The following CREBBP variants were observed in gnomAD, a reference collection of about 807,000 sequenced individuals.
CREBBP encodes CREB-binding protein.
A neutral mutation model predicts 265.0 loss-of-function variants in CREBBP; 19 were observed. The ratio of observed to expected loss-of-function variants is 0.07; its 90% CI spans 0.05 to 0.11. The LOEUF is 0.11. CREBBP is among the 10% of genes least tolerant of loss of function. The pLI, the probability that CREBBP is intolerant of heterozygous loss-of-function variation, is 1.00. For missense variants in CREBBP, 2,525 were observed against 3,219.0 expected (o/e 0.78, Z 5.22); for synonymous variants, 1,457 against 1,223.7 (o/e 1.19, Z -3.98).
chr16:3,762,262 G>T (rs1442358976), intron 16 of CREBBP, among the ~76,000 whole-genome samples: 1 of 152,138 alleles, frequency 6.6e-6, no homozygotes, highest in African/African-American at 2.4e-5. Context: ...AGTGGTAATC[G>T]GGAGTGACAG....
intron 8 of CREBBP, among the ~76,000 whole-genome samples, chr16:3,780,446 G>T (rs957128835): frequency 3.3e-5 from 5 of 152,134 alleles, no homozygotes; most frequent in African/African-American, 1.2e-4. Flanking sequence ...AGCACATTAA[G>T]GCCGGGCTGC....
At chr16:3,876,266 C>G (rs1323555162) in intron 1 of CREBBP, among the ~76,000 whole-genome samples, 4 of 151,934 alleles carry the variant, frequency 2.6e-5, no homozygotes, top group African/African-American at 9.7e-5. Context: ...TCTCCAACTG[C>G]TGGCCTCAAG....
intron 2 of CREBBP, among the ~76,000 whole-genome samples, chr16:3,840,225 C>T (rs887016701): frequency 6.6e-6 from 1 of 152,160 alleles, no homozygotes; most frequent in African/African-American, 2.4e-5. Flanking sequence ...AAGCAACAGA[C>T]AAATGTACAG....
At chr16:3,834,483 G>A (rs916448877) in intron 2 of CREBBP, among the ~76,000 whole-genome samples, 3 of 152,152 alleles carry the variant, frequency 2.0e-5, no homozygotes, top group East Asian at 3.8e-4. Context: ...TTACAAAAAG[G>A]CAAAACTATG....
chr16:3,823,316 A>G (rs951921356), intron 2 of CREBBP, among the ~76,000 whole-genome samples: 1 of 152,228 alleles, frequency 6.6e-6, no homozygotes, highest in Non-Finnish European at 1.5e-5. Context: ...AAAACATTAA[A>G]CTGTCATTAA....
At chr16:3,812,268 T>G (rs973210136) in intron 2 of CREBBP, among the ~76,000 whole-genome samples, 6 of 151,938 alleles carry the variant, frequency 3.9e-5, no homozygotes, top group African/African-American at 1.5e-4. Flanking sequence ...AACCTCCCTC[T>G]CCCAGGTTCA....
Position 3,757,755 on chromosome 16 carries a change from C to T in CREBBP, c.3609+54G>A, listed in dbSNP as rs959027028. 3.9e-5 allele frequency: 63 copies of T among 1,608,080 alleles called. No individual in the cohort carries two copies. The East Asian group carries it at 6.5e-4, about 16-fold the overall frequency. On this transcript the variant is annotated intron_variant, in intron 18 of 30. Transcript: ENST00000262367. ...GTGGTCTCATATTAGTATAACACCC[C>T]TCTGGCTGGATTAACCAGGAAAATT...
intron 2 of CREBBP, among the ~76,000 whole-genome samples, chr16:3,835,871 C>T (rs144668699): frequency 1.1e-3 from 174 of 151,582 alleles, no homozygotes; most frequent in African/African-American, 3.4e-3. Context: ...TGAGCCACCG[C>T]GCCCGGCAGA....
At chr16:3,877,614 G>A (rs2055430638) in intron 1 of CREBBP, among the ~76,000 whole-genome samples, 1 of 152,178 alleles carries the variant, frequency 6.6e-6, no homozygotes. Context: ...ATGTTGGCCA[G>A]GCTGGTCTTG....
chr16:3,835,462 G>C (rs1487532506), intron 2 of CREBBP, among the ~76,000 whole-genome samples: 3 of 151,022 alleles, frequency 2.0e-5, no homozygotes, highest in Non-Finnish European at 4.4e-5. Context: ...ACAGAGTCCA[G>C]AAACAGACAC....
chr16:3,780,959 A>G, intron 7 of CREBBP, 81 bp from the exon 8 acceptor site: 2 of 1,525,542 alleles, frequency 1.3e-6, no homozygotes, highest in Non-Finnish European at 1.8e-6. Context: ...TTCTGCCACC[A>G]CATGTGACTT....
chr16:3,745,939 T>C (rs571418143), intron 21 of CREBBP, among the ~76,000 whole-genome samples: 48 of 152,332 alleles, frequency 3.2e-4, no homozygotes, highest in Non-Finnish European at 6.2e-4. Context: ...TAAACACTGG[T>C]GAAGCGAGAG....
rs1030933423 is a variant in CREBBP, at chr16:3,809,339, G to A, written c.975+1264C>T. Among the ~76,000 whole-genome samples the A allele has an allele frequency of 8.6e-5, 13 of 152,004 alleles. 1 individual carries two copies. Among genetic ancestry groups the A allele is most frequent in the East Asian group, 3.9e-4 (2 of 5,188 alleles). ...ATTACAGGTGCCCGCCACCATGCCC[G>A]GCTAATTTTTGTATTTTTAGCAGAG... On this transcript the variant is annotated intron_variant, in intron 3 of 30. Coordinates refer to ENST00000262367, the MANE Select transcript of CREBBP (RefSeq NM_004380.3).
At position 3,879,822 on chromosome 16, in the gene CREBBP, CCCT is replaced by C; in HGVS notation, c.85+7_85+9del. 6.3e-7 allele frequency: 1 copy of C among 1,597,528 alleles called. No homozygotes were observed. The highest frequency in any genetic ancestry group is 8.5e-7 in the Non-Finnish European group (1 of 1,171,884). On this transcript the variant is annotated splice_region_variant and intron_variant, in intron 1 of 30. Transcript: ENST00000262367. ...CCCCGGGCCCCCGCCGCCCCGGACC[CCCT>C]CCTCACCTGTGCTGTCATTCGCCGA...
intron 14 of CREBBP, among the ~76,000 whole-genome samples, chr16:3,769,798 G>GTGC (rs2052954972): frequency 6.6e-6 from 1 of 152,218 alleles, no homozygotes; most frequent in Non-Finnish European, 1.5e-5. Flanking sequence ...AGGAACACGG[G>GTGC]TGCTGGTGGA....
intron 17 of CREBBP, 47 bp downstream of exon 17, chr16:3,758,807 G>C: frequency 1.5e-6 from 2 of 1,376,418 alleles, no homozygotes; most frequent in South Asian, 1.2e-5. Context: ...TGGACACTCA[G>C]AAGTCACACC....
chr16:3,808,608 A>G (rs1225532053), intron 3 of CREBBP, among the ~76,000 whole-genome samples: 1 of 152,224 alleles, frequency 6.6e-6, no homozygotes, highest in Non-Finnish European at 1.5e-5. Flanking sequence ...AGCCCTCTGG[A>G]GCAGCAGTGG....
rs1348799958 is a variant in CREBBP, at chr16:3,729,038, G to A, written c.6009C>T (p.Pro2003=). The A allele has an allele frequency of 1.9e-6, 3 of 1,589,300 alleles. No individual in the cohort carries two copies. The highest frequency in any genetic ancestry group is 2.6e-6 in the Non-Finnish European group (3 of 1,173,490). The change falls in exon 31 of 31, where the codon CCC becomes CCT. Residue 2003 remains proline (P), a synonymous_variant. Transcript: ENST00000262367. Reference sequence around the variant, plus strand: ...CGGGCCCGCTCACCTGGTTGGGTCGGGGCACATTCAGGCTCACGGGGGCCA... The same window carrying A: ...CGGGCCCGCTCACCTGGTTGGGTCGAGGCACATTCAGGCTCACGGGGGCCA... ...SQMAPVSLNV[P]RPNQVSGPVM... is the part of the protein sequence containing the mutation.
At chr16:3,741,288 C>G (rs906102323) in intron 23 of CREBBP, 2 of 153,234 alleles carry the variant, frequency 1.3e-5, no homozygotes, top group Admixed American at 6.5e-5. Context: ...GCAAAAGGTT[C>G]TTAGTGATTA....
Sources: allele counts gnomAD v4.1 joint callset (sites outside exome capture counted in the v4.1 genomes callset), GRCh38; gene constraint gnomAD v4.1.1; transcripts MANE v1.5; gene names NCBI Gene and HGNC (gene_info 2026-07-23, HGNC 2026-07-21).